Variants in FALEC observed in about 807,000 individuals in gnomAD.
FALEC encodes the protein focally amplified lncRNA regulator of ECM1, also known as focally amplified lncRNA on chromosome 1.
the FALEC span, among the ~76,000 whole-genome samples, chr1:150,527,620 T>A: frequency 1.6e-4 from 24 of 152,206 alleles, no homozygotes; most frequent in Non-Finnish European, 3.1e-4. Flanking sequence ...TGGTGGCTGG[T>A]CTGGAACCTG....
chr1:150,522,631 A>C (rs1413053034), downstream of FALEC, among the ~76,000 whole-genome samples: 3 of 151,318 alleles, frequency 2.0e-5, no homozygotes, highest in East Asian at 1.9e-4. Context: ...AAAAAAAAAA[A>C]AAAAACAAGA....
downstream of FALEC, among the ~76,000 whole-genome samples, chr1:150,522,926 CATATATATGTGTGTGTGTGTGT>C (rs1670670473): frequency 3.1e-4 from 13 of 42,276 alleles, no homozygotes; most frequent in Non-Finnish European, 4.0e-4. Context: ...TATATATATA[CATATATATGTGTGTGTGTGTGT>C]GTATATATAT....
exon 1 of FALEC, chr1:150,515,760 C>G (rs1670558567): frequency 1.3e-5 from 2 of 152,322 alleles, no homozygotes; most frequent in African/African-American, 4.8e-5. Context: ...GCGTCCTGCG[C>G]ATCTCCTACG....
chr1:150,521,148 T>A (rs1311719116), downstream of FALEC, among the ~76,000 whole-genome samples: 1 of 152,218 alleles, frequency 6.6e-6, no homozygotes, highest in Non-Finnish European at 1.5e-5. Context: ...ATTTATCCAT[T>A]CTACTGTTGA....
downstream of FALEC, among the ~76,000 whole-genome samples, chr1:150,519,700 C>T (rs1670614712): frequency 6.6e-6 from 1 of 150,882 alleles, no homozygotes; most frequent in Admixed American, 6.6e-5. Context: ...ACTGAAAATA[C>T]AAAAAAATTA....
chr1:150,531,905 C>T, the FALEC span, among the ~76,000 whole-genome samples: 1 of 152,190 alleles, frequency 6.6e-6, no homozygotes, highest in Non-Finnish European at 1.5e-5. Context: ...GAAGCTCCGT[C>T]AAAATGCAAG....
chr1:150,523,371 C>A, the FALEC span, among the ~76,000 whole-genome samples: 2 of 150,990 alleles, frequency 1.3e-5, no homozygotes, highest in African/African-American at 4.9e-5. Flanking sequence ...ACATATGTGG[C>A]GACCAGGCGC....
At chr1:150,532,354 T>TA in the FALEC span, among the ~76,000 whole-genome samples, 1 of 152,186 alleles carries the variant, frequency 6.6e-6, no homozygotes. Context: ...AGTTGGCTGT[T>TA]ACACTGGAAA....
At chr1:150,520,190 A>G (rs1254410702), downstream of FALEC, among the ~76,000 whole-genome samples, 1 of 152,164 alleles carries the variant, frequency 6.6e-6, no homozygotes, top group Non-Finnish European at 1.5e-5. Flanking sequence ...AAAATTTGCC[A>G]TTTTAACCAT....
downstream of FALEC, among the ~76,000 whole-genome samples, chr1:150,522,977 A>ATTTTTTTTTT (rs1560270892): frequency 4.2e-5 from 1 of 24,088 alleles, no homozygotes; most frequent in Non-Finnish European, 7.5e-5. Context: ...ATATATATAT[A>ATTTTTTTTTT]TATATATTTT....
At chr1:150,530,865 C>T in the FALEC span, among the ~76,000 whole-genome samples, 2 of 152,168 alleles carry the variant, frequency 1.3e-5, no homozygotes, top group African/African-American at 4.8e-5. Context: ...CTGTCCATAA[C>T]GCCTTCCTAA....
the FALEC span, among the ~76,000 whole-genome samples, chr1:150,524,671 C>T: frequency 3.3e-5 from 5 of 152,228 alleles, no homozygotes; most frequent in East Asian, 1.9e-4. Flanking sequence ...TGATTAGAGA[C>T]ATGCAAATTA....
chr1:150,534,006 G>A, the FALEC span, among the ~76,000 whole-genome samples: 1 of 152,218 alleles, frequency 6.6e-6, no homozygotes. Flanking sequence ...GACAAGGATG[G>A]CGTGGGGAGA....
the FALEC span, among the ~76,000 whole-genome samples, chr1:150,535,011 G>A: frequency 8.1e-4 from 123 of 152,252 alleles, no homozygotes; most frequent in Middle Eastern, 3.4e-3. Flanking sequence ...TCCACGAGCC[G>A]GGGAACAGAG....
the FALEC span, among the ~76,000 whole-genome samples, chr1:150,527,206 G>A: frequency 6.6e-6 from 1 of 151,768 alleles, no homozygotes; most frequent in Non-Finnish European, 1.5e-5. Context: ...CTCCCAATGT[G>A]CTGGGATTTC....
At chr1:150,527,064 C>T in the FALEC span, among the ~76,000 whole-genome samples, 3 of 150,162 alleles carry the variant, frequency 2.0e-5, no homozygotes, top group Non-Finnish European at 3.0e-5. Flanking sequence ...GCCTCCCTCC[C>T]GAGAAGTTGG....
the FALEC span, among the ~76,000 whole-genome samples, chr1:150,524,519 A>G: frequency 1.6e-4 from 24 of 152,350 alleles, no homozygotes; most frequent in Middle Eastern, 6.8e-3. Context: ...ATGGGTGTAT[A>G]TGCAGAAAAG....
At chr1:150,534,364 C>T in the FALEC span, among the ~76,000 whole-genome samples, 1 of 152,204 alleles carries the variant, frequency 6.6e-6, no homozygotes, top group East Asian at 1.9e-4. Flanking sequence ...TTCTGAGCCC[C>T]GCACCTTCAT....
chr1:150,523,149 G>A, the FALEC span, among the ~76,000 whole-genome samples: 123 of 143,236 alleles, frequency 8.6e-4, no homozygotes, highest in African/African-American at 3.0e-3. Flanking sequence ...CACCATGCCC[G>A]GCTAACTTAA....
Sources: gnomAD v4.1 joint callset for allele counts (sites outside exome capture counted in the v4.1 genomes callset) on GRCh38, gnomAD v4.1.1 for gene constraint, MANE v1.5 for transcripts, NCBI Gene and HGNC (gene_info 2026-07-23, HGNC 2026-07-21) for gene names.